The following FERMT1 variants were observed in gnomAD, a reference collection of about 807,000 sequenced individuals.
The protein encoded by FERMT1 is fermitin family homolog 1.
FERMT1 carries 60 observed loss-of-function variants against 85.3 expected under a neutral mutation model. That is an observed-to-expected ratio of 0.70 (90% CI 0.57 to 0.87). The LOEUF (loss-of-function observed/expected upper bound fraction) is 0.87. Among genes scored for constraint, FERMT1 ranks in the 40% least tolerant of loss-of-function variants. The pLI, the probability that FERMT1 is intolerant of heterozygous loss-of-function variation, is 0.00. For missense variants in FERMT1, 701 were observed against 818.9 expected (o/e 0.86, Z 1.76); for synonymous variants, 275 against 301.1 (o/e 0.91, Z 0.90).
chr20:6,091,121 C>T (rs935375992), intron 9 of FERMT1, among the ~76,000 whole-genome samples: 4 of 151,908 alleles, frequency 2.6e-5, no homozygotes, highest in African/African-American at 9.7e-5. Context: ...CGAGATCACG[C>T]CACCGCACTC....
At chr20:6,108,740 G>T (rs1982864017) in intron 5 of FERMT1, among the ~76,000 whole-genome samples, 1 of 151,908 alleles carries the variant, frequency 6.6e-6, no homozygotes, top group South Asian at 2.1e-4. Flanking sequence ...TTTGAACCCG[G>T]GAGGTGGAGG....
intron 6 of FERMT1, among the ~76,000 whole-genome samples, chr20:6,098,105 C>A (rs543652863): frequency 2.0e-5 from 3 of 152,246 alleles, no homozygotes; most frequent in South Asian, 2.1e-4. Flanking sequence ...TGAGCCACTG[C>A]GCCTGGCCCT....
Position 6,076,430 on chromosome 20 carries a change from C to T in FERMT1, c.*743G>A, listed in dbSNP as rs371657740. On this transcript the variant is annotated 3_prime_UTR_variant, in exon 15 of 15. Transcript: ENST00000217289. ...TCCCCCTGTGTCACCCACATCTTCACAAAGGACTTACAGGTGGCTGAGAGA... is the reference window on the plus strand; with the variant it reads ...TCCCCCTGTGTCACCCACATCTTCATAAAGGACTTACAGGTGGCTGAGAGA... The T allele has an allele frequency of 3.9e-6, 2 of 517,976 alleles. No individual in the cohort carries two copies. The highest frequency in any genetic ancestry group is 3.9e-6 in the Non-Finnish European group (1 of 259,604). 32.1% of individuals were successfully genotyped at this position (517,976 alleles called of 1,614,324 possible).
chr20:6,114,490 A>T (rs1022117037), intron 3 of FERMT1, among the ~76,000 whole-genome samples: 17 of 152,204 alleles, frequency 1.1e-4, no homozygotes, highest in African/African-American at 4.1e-4. Flanking sequence ...ATCAGCTGTG[A>T]TGTGTGCTTC....
At chr20:6,078,779 G>T (rs990556584) in intron 14 of FERMT1, among the ~76,000 whole-genome samples, 5 of 151,996 alleles carry the variant, frequency 3.3e-5, no homozygotes, top group Non-Finnish European at 5.9e-5. Context: ...TTAAATTAGC[G>T]GCAGGATGCT....
intron 3 of FERMT1, among the ~76,000 whole-genome samples, chr20:6,113,442 T>C (rs1216637405): frequency 3.3e-5 from 5 of 152,196 alleles, no homozygotes; most frequent in Admixed American, 1.3e-4. Context: ...TTTTTCTTTA[T>C]AGATCACAGA....
At position 6,115,991 on chromosome 20, in the gene FERMT1, A is replaced by G. The variant is rs1983087104; in HGVS notation, c.205T>C (p.Trp69Arg). 1.2e-6 allele frequency: 2 copies of G among 1,614,184 alleles called. No individual in the cohort carries two copies. Among genetic ancestry groups the G allele is most frequent in the Non-Finnish European group, 1.7e-6 (2 of 1,180,000 alleles). The stretch of plus-strand genomic sequence containing the variant: ...AGGGTCCAGTGGGTTTTCAGAAGCC[A>G]GCAATGCTTCTGTTCCCACCAAAGA... Reference protein sequence around the residue: ...FALWWEQKHCWLLKTHWTLDK... With the variant: ...FALWWEQKHCRLLKTHWTLDK... Residue 69 changes from tryptophan (W) to arginine (R), a missense_variant, in exon 3 of 15, where the codon TGG becomes CGG. Coordinates refer to ENST00000217289, the MANE Select transcript of FERMT1 (RefSeq NM_017671.5).
At chr20:6,117,671 A>G (rs1983141052) in intron 2 of FERMT1, among the ~76,000 whole-genome samples, 1 of 151,706 alleles carries the variant, frequency 6.6e-6, no homozygotes, top group South Asian at 2.1e-4. Flanking sequence ...TGACCTCGTG[A>G]TCCACCCACC....
intron 5 of FERMT1, among the ~76,000 whole-genome samples, 177 bp from the exon 6 acceptor site, chr20:6,107,811 C>G (rs537777424): frequency 2.6e-5 from 4 of 152,184 alleles, no homozygotes; most frequent in Non-Finnish European, 5.9e-5. Flanking sequence ...CTGACACTTT[C>G]TGAGCACTGA....
intron 8 of FERMT1, among the ~76,000 whole-genome samples, chr20:6,095,606 G>A (rs921394675): frequency 4.6e-5 from 7 of 152,178 alleles, no homozygotes; most frequent in South Asian, 2.1e-4. Context: ...TTAGCATCAC[G>A]TAAAACTATT....
intron 14 of FERMT1, 71 bp from the exon 15 acceptor site, chr20:6,077,417 C>T: frequency 6.6e-7 from 1 of 1,525,840 alleles, no homozygotes; most frequent in South Asian, 1.1e-5. Context: ...CTTTGCTGGA[C>T]TGGCCCCTGG....
chr20:6,085,676 CCT>C (rs1375833010), intron 11 of FERMT1, among the ~76,000 whole-genome samples: 1 of 151,974 alleles, frequency 6.6e-6, no homozygotes, highest in African/African-American at 2.4e-5. Context: ...ATGGTGAAAC[CCT>C]GTGTCTACTA....
chr20:6,078,583 C>G (rs1218507933), intron 14 of FERMT1, among the ~76,000 whole-genome samples: 3 of 151,644 alleles, frequency 2.0e-5, no homozygotes, highest in African/African-American at 7.3e-5. Flanking sequence ...TCATCCCTGG[C>G]TGAGTAGCTG....
At chr20:6,097,653 T>A in intron 6 of FERMT1, 22 bp from the exon 7 acceptor site, 4 of 1,456,580 alleles carry the variant, frequency 2.7e-6, no homozygotes, top group Non-Finnish European at 3.9e-6. Context: ...AACAGAGGTG[T>A]GTGTGTAATG....
At chr20:6,077,379 C>T (rs1452496049) in intron 14 of FERMT1, 33 bp from the exon 15 acceptor site, 8 of 1,611,186 alleles carry the variant, frequency 5.0e-6, no homozygotes, top group Non-Finnish European at 6.8e-6. Flanking sequence ...AGCTTAAACT[C>T]TGACAAGGAA....
chr20:6,108,538 G>A (rs1007471636), intron 5 of FERMT1, among the ~76,000 whole-genome samples: 11 of 152,012 alleles, frequency 7.2e-5, no homozygotes, highest in African/African-American at 2.4e-4. Context: ...AGCAGGGTGC[G>A]GGGACTCATA....
chr20:6,091,333 G>T (rs1982356580), intron 9 of FERMT1, among the ~76,000 whole-genome samples: 1 of 151,744 alleles, frequency 6.6e-6, no homozygotes, highest in Admixed American at 6.6e-5. Context: ...GGGTTCAAGC[G>T]GTCCTCATGC....
rs796660103 is a variant in FERMT1, at chr20:6,083,662, C to A, written c.1718+378G>T. Among the ~76,000 whole-genome samples the A allele has an allele frequency of 1.0e-3, 138 of 138,534 alleles. 2 individuals carry two copies. The highest frequency in any genetic ancestry group is 2.1e-3 in the South Asian group (9 of 4,232). 90.9% of individuals were successfully genotyped at this position (138,534 alleles called of 152,430 possible). ...TGGGCGGCAAAATGAGACACCCCCC[C>A]CCCCGGCCACCCTCCCCACACCCGA... On this transcript the variant is annotated intron_variant, in intron 13 of 14. Coordinates refer to ENST00000217289, the MANE Select transcript of FERMT1 (RefSeq NM_017671.5).
chr20:6,078,633 GT>G (rs11480502), intron 14 of FERMT1, among the ~76,000 whole-genome samples: 27 of 134,650 alleles, frequency 2.0e-4, no homozygotes, highest in African/African-American at 2.3e-4. Context: ...CTAGTTCAGC[GT>G]TTTTTTTTTT....
Sources: allele counts gnomAD v4.1 joint callset (sites outside exome capture counted in the v4.1 genomes callset), GRCh38; gene constraint gnomAD v4.1.1; transcripts MANE v1.5; gene names NCBI Gene and HGNC (gene_info 2026-07-23, HGNC 2026-07-21).